The following MBNL1 variants were observed in gnomAD, a reference collection of about 807,000 sequenced individuals.
MBNL1 encodes the protein muscleblind-like protein 1.
Under a neutral mutation model 42.2 loss-of-function variants are expected in MBNL1, and 8 were observed. The observed-to-expected ratio is 0.19, with a 90% CI of 0.11 to 0.34. The LOEUF is 0.34. Among genes scored for constraint, MBNL1 ranks in the 10% least tolerant of loss-of-function variants. The pLI, the probability that MBNL1 is intolerant of heterozygous loss-of-function variation, is 1.00. For missense variants in MBNL1, 309 were observed against 495.3 expected, an observed-to-expected ratio of 0.62 and a Z score of 3.57; for synonymous variants, 169 against 173.9, an observed-to-expected ratio of 0.97 and a Z score of 0.22.
At chr3:152,376,774 A>C (rs566764482) in intron 2 of MBNL1, among the ~76,000 whole-genome samples, 74 of 151,248 alleles carry the variant, frequency 4.9e-4, no homozygotes, top group Middle Eastern at 3.4e-3. Flanking sequence ...CACTCTCTCT[A>C]TATATATACG....
chr3:152,397,736 A>G (rs182314671), intron 2 of MBNL1, among the ~76,000 whole-genome samples: 4 of 152,264 alleles, frequency 2.6e-5, no homozygotes, highest in African/African-American at 7.2e-5. Flanking sequence ...TATTATAAAT[A>G]TTTTCCTACT....
chr3:152,407,035 ATTG>A (rs759996605), intron 2 of MBNL1, among the ~76,000 whole-genome samples: 2 of 128,694 alleles, frequency 1.6e-5, no homozygotes, highest in Non-Finnish European at 1.8e-5. Context: ...AGTCTCAATA[ATTG>A]TTAAGCCACT....
chr3:152,420,326 C>T (rs1428724622), intron 3 of MBNL1, among the ~76,000 whole-genome samples: 1 of 152,202 alleles, frequency 6.6e-6, no homozygotes, highest in Non-Finnish European at 1.5e-5. Context: ...GACTGGGAGA[C>T]ACCTCCCAGC....
chr3:152,317,323 T>TA (rs988199612), intron 2 of MBNL1, among the ~76,000 whole-genome samples: 24 of 152,148 alleles, frequency 1.6e-4, no homozygotes, highest in African/African-American at 5.8e-4. Flanking sequence ...TTTATTCCTT[T>TA]AAAAAAATTT....
chr3:152,278,541 T>A (rs2046585628), intron 1 of MBNL1, among the ~76,000 whole-genome samples: 1 of 152,144 alleles, frequency 6.6e-6, no homozygotes, highest in Non-Finnish European at 1.5e-5. Context: ...GGGACCACAT[T>A]TGCTGAAAAT....
chr3:152,456,298 T>G lies in MBNL1; in HGVS notation c.1029T>G (p.Thr343=). 2 of 1,613,992 alleles carry G rather than the reference T, an allele frequency of 1.2e-6. No homozygotes were observed. Among genetic ancestry groups the G allele is most frequent in the South Asian group, 1.1e-5 (1 of 91,086 alleles). ...VPMVHGATPA[T]VSAATTSATS... is the part of the protein sequence containing the mutation. The stretch of plus-strand genomic sequence containing the variant: ...TGGTGCACGGTGCTACGCCAGCCAC[T>G]GTGTCCGCAGCAACAACATCTGCCA... Residue 343 remains threonine (T), a synonymous_variant, in exon 8 of 10, where the codon ACT becomes ACG. Coordinates refer to ENST00000324210, the MANE Select transcript of MBNL1 (RefSeq NM_021038.5).
intron 2 of MBNL1, among the ~76,000 whole-genome samples, chr3:152,250,450 G>T (rs1001853780): frequency 2.0e-5 from 3 of 151,746 alleles, no homozygotes; most frequent in African/African-American, 4.8e-5. Flanking sequence ...GAATGCTTGT[G>T]ATTTTTGTGC....
chr3:152,385,078 C>A (rs181077297), intron 2 of MBNL1, among the ~76,000 whole-genome samples: 49 of 152,046 alleles, frequency 3.2e-4, no homozygotes, highest in Admixed American at 2.6e-3. Context: ...GGAAAAGAAC[C>A]CTTTCCATTT....
At chr3:152,456,492 T>C in intron 8 of MBNL1, 131 bp downstream of exon 8, 1 of 713,034 alleles carries the variant, frequency 1.4e-6, no homozygotes. Context: ...AGAGGGTGCT[T>C]TAATAAGCAT....
intron 2 of MBNL1, among the ~76,000 whole-genome samples, chr3:152,367,588 C>T (rs936909499): frequency 6.6e-6 from 1 of 152,170 alleles, no homozygotes; most frequent in Non-Finnish European, 1.5e-5. Context: ...GTTCTAGATC[C>T]TTGAGGAATC....
chr3:152,420,468 G>A (rs1270747104), intron 3 of MBNL1, among the ~76,000 whole-genome samples: 1 of 152,214 alleles, frequency 6.6e-6, no homozygotes, highest in Admixed American at 6.5e-5. Context: ...GTGATACCCA[G>A]GCAAACAGGG....
intron 2 of MBNL1, among the ~76,000 whole-genome samples, chr3:152,371,941 C>G (rs1010799040): frequency 3.9e-5 from 6 of 152,172 alleles, no homozygotes; most frequent in Non-Finnish European, 8.8e-5. Flanking sequence ...GTACACCAGT[C>G]AAACATAGGT....
intron 2 of MBNL1, among the ~76,000 whole-genome samples, chr3:152,404,410 G>A (rs1232175556): frequency 2.6e-5 from 4 of 152,104 alleles, no homozygotes; most frequent in African/African-American, 9.7e-5. Flanking sequence ...ATTATACTTT[G>A]AAATTTATCA....
At chr3:152,292,779 T>C (rs1488651829) in intron 1 of MBNL1, among the ~76,000 whole-genome samples, 2 of 152,046 alleles carry the variant, frequency 1.3e-5, no homozygotes, top group South Asian at 2.1e-4. Flanking sequence ...TAATACTTTT[T>C]TTTTTTTCAG....
intron 2 of MBNL1, among the ~76,000 whole-genome samples, chr3:152,251,875 A>C (rs2034611162): frequency 6.6e-6 from 1 of 152,050 alleles, no homozygotes; most frequent in Non-Finnish European, 1.5e-5. Context: ...TGTTCTTGTC[A>C]AATGCAATCT....
At chr3:152,349,158 C>G (rs1228578002) in intron 2 of MBNL1, among the ~76,000 whole-genome samples, 2 of 151,988 alleles carry the variant, frequency 1.3e-5, no homozygotes, top group Non-Finnish European at 2.9e-5. Flanking sequence ...GAATGTATCC[C>G]TTGTGCTAAA....
At chr3:152,338,895 AT>A (rs1206242907) in intron 2 of MBNL1, among the ~76,000 whole-genome samples, 1 of 152,150 alleles carries the variant, frequency 6.6e-6, no homozygotes, top group Non-Finnish European at 1.5e-5. Flanking sequence ...CATGGAACAG[AT>A]TTTTAAATAT....
At chr3:152,381,297 G>T (rs1019254402) in intron 2 of MBNL1, among the ~76,000 whole-genome samples, 1 of 151,814 alleles carries the variant, frequency 6.6e-6, no homozygotes, top group Admixed American at 6.6e-5. Context: ...TTAGACTTCT[G>T]TCTATATACT....
At chr3:152,379,087 T>C (rs2097060795) in intron 2 of MBNL1, among the ~76,000 whole-genome samples, 1 of 152,172 alleles carries the variant, frequency 6.6e-6, no homozygotes, top group Non-Finnish European at 1.5e-5. Context: ...AAAAGGGTCA[T>C]CCTGCATGTT....
Sources: allele counts gnomAD v4.1 joint callset (sites outside exome capture counted in the v4.1 genomes callset), GRCh38; gene constraint gnomAD v4.1.1; transcripts MANE v1.5; gene names NCBI Gene and HGNC (gene_info 2026-07-23, HGNC 2026-07-21).